Variants in ATRNL1 observed in about 807,000 individuals in gnomAD.
The protein encoded by ATRNL1 is attractin-like protein 1.
A neutral mutation model predicts 182.7 loss-of-function variants in ATRNL1; 95 were observed. That is an observed-to-expected ratio of 0.52 (90% confidence interval 0.44 to 0.62). The LOEUF (loss-of-function observed/expected upper bound fraction) is 0.62, where lower values mean the gene tolerates loss of function less well. Among genes scored for constraint, ATRNL1 ranks in the 20% least tolerant of loss-of-function variants. ATRNL1 has a pLI of 0.00. For synonymous variants in ATRNL1, 576 were observed against 568.3 expected (o/e 1.01, Z -0.19); for missense variants, 1,471 against 1,679.5 (o/e 0.88, Z 2.17).
Position 115,539,691 on chromosome 10 carries a change from A to G in ATRNL1, c.3717-9767A>G, listed in dbSNP as rs555825544. Among the ~76,000 whole-genome samples, 4 of 152,278 alleles carry G rather than the reference A, an allele frequency of 2.6e-5. No individual in the cohort carries two copies. The South Asian group carries it at 8.3e-4, about 32-fold the overall frequency. ...TCCTGAATTCACTCACCCATACCCC[A>G]GGCAGTCTGAAGCAGGAACATGGGC... On this transcript the variant is annotated intron_variant, in intron 25 of 28. Transcript: ENST00000355044.
chr10:115,326,857 G>A (rs1854917746), intron 18 of ATRNL1, among the ~76,000 whole-genome samples: 1 of 152,284 alleles, frequency 6.6e-6, no homozygotes, highest in Admixed American at 6.5e-5. Flanking sequence ...TTAATAAATG[G>A]TTCTGGGAAA....
intron 19 of ATRNL1, among the ~76,000 whole-genome samples, chr10:115,345,412 T>C (rs1449617268): frequency 1.3e-5 from 2 of 152,182 alleles, no homozygotes; most frequent in African/African-American, 4.8e-5. Context: ...CTCACGATTA[T>C]TGTTTTCTCC....
intron 28 of ATRNL1, among the ~76,000 whole-genome samples, chr10:115,923,402 C>T (rs1159117344): frequency 1.3e-5 from 2 of 152,080 alleles, no homozygotes; most frequent in African/African-American, 4.8e-5. Flanking sequence ...AAGTTCCCTC[C>T]CTTCGCGCCC....
intron 22 of ATRNL1, among the ~76,000 whole-genome samples, chr10:115,463,539 A>G (rs1847914729): frequency 6.6e-6 from 1 of 152,102 alleles, no homozygotes; most frequent in Non-Finnish European, 1.5e-5. Flanking sequence ...ATTTATTTAA[A>G]TAATTTTAGG....
At chr10:115,532,503 T>G (rs576394643) in intron 25 of ATRNL1, among the ~76,000 whole-genome samples, 28 of 152,270 alleles carry the variant, frequency 1.8e-4, no homozygotes, top group African/African-American at 6.7e-4. Flanking sequence ...TGAAGTTGCT[T>G]ATCAGTTTAA....
chr10:115,581,886 C>A (rs1182198924), intron 26 of ATRNL1, among the ~76,000 whole-genome samples: 1 of 111,936 alleles, frequency 8.9e-6, no homozygotes, highest in Non-Finnish European at 1.8e-5. Flanking sequence ...CATTGCTATC[C>A]CTCCCCCCTC....
At chr10:115,642,094 A>ATCTG (rs1859288421) in intron 26 of ATRNL1, among the ~76,000 whole-genome samples, 1 of 152,110 alleles carries the variant, frequency 6.6e-6, no homozygotes, top group Non-Finnish European at 1.5e-5. Context: ...CTAATATTTT[A>ATCTG]AATTACATCG....
At chr10:115,463,769 T>C (rs1847926424) in intron 22 of ATRNL1, among the ~76,000 whole-genome samples, 1 of 152,098 alleles carries the variant, frequency 6.6e-6, no homozygotes, top group Non-Finnish European at 1.5e-5. Context: ...CTTTTTTATC[T>C]GGCTTATTTC....
At chr10:115,411,525 A>G (rs1390463190) in intron 20 of ATRNL1, among the ~76,000 whole-genome samples, 1 of 151,970 alleles carries the variant, frequency 6.6e-6, no homozygotes, top group African/African-American at 2.4e-5. Context: ...GTGGAAAAGG[A>G]GTATGATTAT....
Position 115,296,121 on chromosome 10 carries a change from T to A in ATRNL1, c.2416-3913T>A, listed in dbSNP as rs145907998. On this transcript the variant is annotated intron_variant, in intron 15 of 28. Transcript: ENST00000355044. Reference sequence around the variant, plus strand: ...ATTCTTCTGTAGTAAGGATTATAGGTGTTTTTGGTAGCAATGGGGGCTGGT... The same window carrying A: ...ATTCTTCTGTAGTAAGGATTATAGGAGTTTTTGGTAGCAATGGGGGCTGGT... Among the ~76,000 whole-genome samples the A allele has an allele frequency of 2.0e-4, 31 of 152,272 alleles. 1 individual carries two copies. Among genetic ancestry groups the A allele is most frequent in the African/African-American group, 7.0e-4 (29 of 41,554 alleles).
chr10:115,406,074 T>C (rs1232662923), intron 20 of ATRNL1, among the ~76,000 whole-genome samples: 1 of 152,114 alleles, frequency 6.6e-6, no homozygotes, highest in African/African-American at 2.4e-5. Context: ...TGCCACATTT[T>C]CTTAATCCAG....
rs577187768 is a variant in ATRNL1 at position 115,708,740 on chromosome 10, A to G, written c.3796-18508A>G. On this transcript the variant is annotated intron_variant, in intron 26 of 28. Transcript: ENST00000355044. ...TATTGTAAGTTCAAGCTGAAATGTT[A>G]GCAAGAAAATTGCTAAAGGATATCA... is the stretch of plus-strand genomic sequence containing the variant. 4.0e-4 allele frequency among the ~76,000 whole-genome samples: 60 copies of G among 151,898 alleles called. 1 individual carries two copies. The South Asian group carries it at 0.012, about 30-fold the overall frequency.
At position 115,231,366 on chromosome 10, in the gene ATRNL1, CAA is replaced by C. The variant is rs570486915; in HGVS notation, c.1533-10204_1533-10203del. ...AACCAGTGCTTTTTGCTGAACTTGA[CAA>C]GAGAAGTTTCAGTGGGTGGTGAAGT... On this transcript the variant is annotated intron_variant, in intron 9 of 28. Transcript: ENST00000355044. 2.5e-3 allele frequency among the ~76,000 whole-genome samples: 376 copies of C among 151,976 alleles called. 4 individuals are homozygous for C. The highest frequency in any genetic ancestry group is 3.9e-3 in the Non-Finnish European group (262 of 67,954).
At chr10:115,195,437 T>G (rs1391128713) in intron 8 of ATRNL1, among the ~76,000 whole-genome samples, 2 of 152,134 alleles carry the variant, frequency 1.3e-5, no homozygotes, top group Non-Finnish European at 2.9e-5. Context: ...CTCGCTCTCC[T>G]GGACTGCAAG....
chr10:115,852,513 A>G (rs1951079979), intron 28 of ATRNL1, among the ~76,000 whole-genome samples: 1 of 152,156 alleles, frequency 6.6e-6, no homozygotes, highest in Non-Finnish European at 1.5e-5. Context: ...GACCCTCTTA[A>G]TGATTCTGTG....
intron 20 of ATRNL1, among the ~76,000 whole-genome samples, chr10:115,412,547 A>G (rs543612477): frequency 1.3e-5 from 2 of 152,342 alleles, no homozygotes; most frequent in South Asian, 2.1e-4. Flanking sequence ...TAACTAGTAC[A>G]AATATTATAT....
chr10:115,796,874 T>A (rs1949666666), intron 27 of ATRNL1, among the ~76,000 whole-genome samples: 1 of 152,184 alleles, frequency 6.6e-6, no homozygotes, highest in Admixed American at 6.5e-5. Context: ...AAAAGAGCAA[T>A]GTTCATTAGA....
chr10:115,643,803 AAAC>A (rs1208380368), intron 26 of ATRNL1, among the ~76,000 whole-genome samples: 2 of 152,068 alleles, frequency 1.3e-5, no homozygotes, highest in African/African-American at 4.8e-5. Context: ...CCAAACAAAC[AAAC>A]AAAAACCCCT....
At chr10:115,657,849 T>A (rs1860422708) in intron 26 of ATRNL1, among the ~76,000 whole-genome samples, 1 of 152,144 alleles carries the variant, frequency 6.6e-6, no homozygotes, top group African/African-American at 2.4e-5. Context: ...TGACAGTACA[T>A]GTTTCCTGAA....
Sources: allele counts gnomAD v4.1 joint callset (sites outside exome capture counted in the v4.1 genomes callset), GRCh38; gene constraint gnomAD v4.1.1; transcripts MANE v1.5; gene names NCBI Gene and HGNC (gene_info 2026-07-23, HGNC 2026-07-21).